EXOG: variants seen among roughly 807,000 people sequenced by gnomAD.
The protein encoded by EXOG is exo/endonuclease G, also known as nuclease EXOG, mitochondrial.
A neutral mutation model predicts 25.8 loss-of-function variants in EXOG; 27 were observed. The ratio of observed to expected loss-of-function variants is 1.05; its 90% CI spans 0.77 to 1.45. The LOEUF is 1.45. EXOG is among the 40% of genes most tolerant of loss of function. EXOG has a pLI of 0.00. For synonymous variants in EXOG, 133 were observed against 167.0 expected, an observed-to-expected ratio of 0.80 and a Z score of 1.57; for missense variants, 458 against 450.5, an observed-to-expected ratio of 1.02 and a Z score of -0.15.
At chr3:38,521,994 A>T (rs2060730542) in intron 5 of EXOG, among the ~76,000 whole-genome samples, 1 of 152,162 alleles carries the variant, frequency 6.6e-6, no homozygotes, top group Admixed American at 6.5e-5. Flanking sequence ...TTTGGCTTTG[A>T]AGAGTATGTT....
intron 5 of EXOG, 117 bp from the exon 6 acceptor site, chr3:38,523,779 TAGAAC>T: frequency 1.6e-6 from 1 of 623,734 alleles, no homozygotes; most frequent in East Asian, 2.8e-5. Flanking sequence ...TTAAATTCAT[TAGAAC>T]AGAGTGGGAT....
chr3:38,496,868 CTA>C, intron 1 of EXOG: 1 of 1,278,640 alleles, frequency 7.8e-7, no homozygotes, highest in South Asian at 1.3e-5. Flanking sequence ...AGACTTGAGA[CTA>C]TGTCTGTTTT....
intron 5 of EXOG, among the ~76,000 whole-genome samples, chr3:38,510,158 G>A (rs1429734796): frequency 6.6e-6 from 1 of 152,060 alleles, no homozygotes; most frequent in Non-Finnish European, 1.5e-5. Flanking sequence ...AAAATATCAG[G>A]CATACCCCAA....
At chr3:38,516,469 T>G (rs2125790981) in intron 5 of EXOG, among the ~76,000 whole-genome samples, 1 of 152,314 alleles carries the variant, frequency 6.6e-6, no homozygotes, top group East Asian at 1.9e-4. Flanking sequence ...TTGTTAACAT[T>G]TTGCCACATT....
chr3:38,523,077 T>C, intron 5 of EXOG: 1 of 486,140 alleles, frequency 2.1e-6, no homozygotes, highest in South Asian at 1.6e-5. Context: ...ATCCTGGAGA[T>C]GGTAATGTTG....
At chr3:38,506,755 C>G in intron 4 of EXOG, 99 bp from the exon 5 acceptor site, 1 of 504,272 alleles carries the variant, frequency 2.0e-6, no homozygotes, top group Non-Finnish European at 3.5e-6. Context: ...TTCTCAAATG[C>G]AGTTTTTCTT....
intron 4 of EXOG, chr3:38,505,525 A>G (rs2060177567): frequency 1.3e-5 from 2 of 152,202 alleles, no homozygotes; most frequent in African/African-American, 4.8e-5. Flanking sequence ...AGGAACAAAG[A>G]AGTATGTAAC....
At chr3:38,523,304 T>C in intron 5 of EXOG, 1 of 1,282,316 alleles carries the variant, frequency 7.8e-7, no homozygotes, top group Non-Finnish European at 1.0e-6. Flanking sequence ...ATGGCATTCC[T>C]TTGTCCTTTG....
At chr3:38,498,014 C>T in intron 2 of EXOG, 1 of 456,944 alleles carries the variant, frequency 2.2e-6, no homozygotes. Flanking sequence ...TTGGGAGGCT[C>T]TGTCATAAAT....
chr3:38,499,475 C>T (rs2059983942), intron 2 of EXOG, among the ~76,000 whole-genome samples: 1 of 151,998 alleles, frequency 6.6e-6, no homozygotes, highest in Non-Finnish European at 1.5e-5. Flanking sequence ...TAAAATAGAG[C>T]CAATTAATAT....
chr3:38,518,632 A>G (rs1438203433), intron 5 of EXOG, among the ~76,000 whole-genome samples: 1 of 152,222 alleles, frequency 6.6e-6, no homozygotes, highest in African/African-American at 2.4e-5. Context: ...GTTGTACCCA[A>G]TAAAAGGGTT....
Position 38,524,016 on chromosome 3 carries a change from A to C in EXOG, c.761A>C (p.Glu254Ala). Residue 254 changes from glutamate (E) to alanine (A), a missense_variant, in exon 6 of 6, where the codon GAA becomes GCA. Physicochemically the swap from Glu to Ala is moderately radical, Grantham distance 107 (BLOSUM62 -1). Coordinates refer to ENST00000287675, the MANE Select transcript of EXOG (RefSeq NM_005107.4). ...LALGAFVVPNEAIGFQPQLTE... is the reference protein window; with the variant it reads ...LALGAFVVPNAAIGFQPQLTE... ...CTAGGGGCCTTTGTGGTACCCAATG[A>C]AGCCATCGGCTTCCAGCCCCAGTTA... 1 of 1,614,160 alleles carries C rather than the reference A, an allele frequency of 6.2e-7. No individual in the cohort carries two copies. The highest frequency in any genetic ancestry group is 8.5e-7 in the Non-Finnish European group (1 of 1,180,002).
intron 5 of EXOG, among the ~76,000 whole-genome samples, chr3:38,514,109 T>C (rs538575478): frequency 7.9e-5 from 12 of 152,218 alleles, no homozygotes; most frequent in African/African-American, 2.9e-4. Flanking sequence ...GAGAAGAAGG[T>C]AAATTATAGA....
At chr3:38,498,946 C>T (rs2059970449) in intron 2 of EXOG, 1 of 456,724 alleles carries the variant, frequency 2.2e-6, no homozygotes, top group Non-Finnish European at 4.4e-6. Flanking sequence ...CAAGTTTACA[C>T]TCCTAGCATC....
At position 38,506,704 on chromosome 3, in the gene EXOG, T is replaced by G. The variant is rs960244597; in HGVS notation, c.531-150T>G. On this transcript the variant is annotated intron_variant, in intron 4 of 5. Coordinates refer to ENST00000287675, the MANE Select transcript of EXOG (RefSeq NM_005107.4). ...AGTAAGCAAACTGGGAAAATAATTGTTTATATGCTTATAATGTTTTGTGCC... is the reference window on the plus strand; with the variant it reads ...AGTAAGCAAACTGGGAAAATAATTGGTTATATGCTTATAATGTTTTGTGCC... 5 of 406,730 alleles carry G rather than the reference T, an allele frequency of 1.2e-5. No individual in the cohort carries two copies. The East Asian group carries it at 2.2e-4, about 18-fold the overall frequency. 25.2% of individuals were successfully genotyped at this position (406,730 alleles called of 1,614,324 possible).
intron 5 of EXOG, among the ~76,000 whole-genome samples, chr3:38,509,930 G>A (rs957876187): frequency 3.3e-5 from 5 of 152,178 alleles, no homozygotes; most frequent in African/African-American, 1.2e-4. Flanking sequence ...ATTCAGGCAA[G>A]AGTCATCACT....
At position 38,524,498 on chromosome 3, in the gene EXOG, C is replaced by T. The variant is rs1575684576; in HGVS notation, c.*136C>T. 1.4e-6 allele frequency: 2 copies of T among 1,396,162 alleles called. No individual in the cohort carries two copies. The highest frequency in any genetic ancestry group is 5.3e-4 in the Middle Eastern group (2 of 3,796). The allele number at this position is 1,396,162 out of a possible 1,614,324, so 86.5% of individuals were successfully genotyped here. A position where few individuals can be genotyped will look rare whatever the true frequency, so the allele number is the denominator to read the frequency against. Reference sequence around the variant, plus strand: ...AGAGATGTGGTCTCGCCGTGTCATCCAGGCTGGAGTGCAGTGGTGGAATCA... The same window carrying T: ...AGAGATGTGGTCTCGCCGTGTCATCTAGGCTGGAGTGCAGTGGTGGAATCA... On this transcript the variant is annotated 3_prime_UTR_variant, in exon 6 of 6. Coordinates refer to ENST00000287675, the MANE Select transcript of EXOG (RefSeq NM_005107.4).
chr3:38,517,459 C>A (rs2060582059), intron 5 of EXOG, among the ~76,000 whole-genome samples: 1 of 152,228 alleles, frequency 6.6e-6, no homozygotes, highest in African/African-American at 2.4e-5. Context: ...GGCCATTTCT[C>A]CAAGGAGCAC....
Position 38,526,071 on chromosome 3 carries a change from G to A in EXOG, c.*1709G>A, listed in dbSNP as rs972892561. The A allele has an allele frequency of 1.0e-6, 1 of 985,430 alleles. No individual in the cohort carries two copies. Among genetic ancestry groups the A allele is most frequent in the Non-Finnish European group, 1.2e-6 (1 of 829,934 alleles). The allele number at this position is 985,430 out of a possible 1,614,324, so 61.0% of individuals were successfully genotyped here. A position where few individuals can be genotyped will look rare whatever the true frequency, so the allele number is the denominator to read the frequency against. On this transcript the variant is annotated 3_prime_UTR_variant, in exon 6 of 6. Transcript: ENST00000287675. ...TCCAAAGGCATTTAGCATTCCTAGG[G>A]GAAATTGTGGCTGTTTTTCTGAGCC...
Sources: allele counts gnomAD v4.1 joint callset (sites outside exome capture counted in the v4.1 genomes callset), GRCh38; gene constraint gnomAD v4.1.1; transcripts MANE v1.5; gene names NCBI Gene and HGNC (gene_info 2026-07-23, HGNC 2026-07-21).